The following GPC6 variants were observed in gnomAD, a reference collection of about 807,000 sequenced individuals.
GPC6 encodes the protein glypican-6.
Under a neutral mutation model 55.2 loss-of-function variants are expected in GPC6, and 14 were observed. That is an observed-to-expected ratio of 0.25 (90% CI 0.17 to 0.40). The LOEUF (loss-of-function observed/expected upper bound fraction) is 0.40, where lower values mean the gene tolerates loss of function less well. Ranked by LOEUF, GPC6 falls within the 10% of genes least tolerant of loss-of-function variation. GPC6 has a pLI of 1.00. For synonymous variants in GPC6, 278 were observed against 259.6 expected, an observed-to-expected ratio of 1.07 and a Z score of -0.68; for missense variants, 641 against 708.5, an observed-to-expected ratio of 0.90 and a Z score of 1.08.
At chr13:93,285,573 T>C (rs1475296214) in intron 1 of GPC6, among the ~76,000 whole-genome samples, 31 of 151,252 alleles carry the variant, frequency 2.0e-4, no homozygotes, top group Non-Finnish European at 7.4e-5. Flanking sequence ...CACCCAAAAT[T>C]GAGAAATTAT....
intron 4 of GPC6, among the ~76,000 whole-genome samples, chr13:94,169,073 A>G (rs1479991075): frequency 6.6e-6 from 1 of 152,240 alleles, no homozygotes; most frequent in Non-Finnish European, 1.5e-5. Flanking sequence ...AAATTATTAC[A>G]CAATTAAATT....
At chr13:93,922,408 A>G (rs1877621013) in intron 3 of GPC6, among the ~76,000 whole-genome samples, 1 of 152,226 alleles carries the variant, frequency 6.6e-6, no homozygotes, top group Admixed American at 6.5e-5. Flanking sequence ...ATTATGTAAG[A>G]AAAGGACAGT....
intron 1 of GPC6, among the ~76,000 whole-genome samples, chr13:93,441,349 A>C (rs940532011): frequency 8.6e-5 from 13 of 151,746 alleles, no homozygotes; most frequent in Non-Finnish European, 1.8e-4. Flanking sequence ...CATCCTCTCC[A>C]GTACCCATTG....
At chr13:93,307,093 T>G (rs1192341216) in intron 1 of GPC6, among the ~76,000 whole-genome samples, 1 of 152,160 alleles carries the variant, frequency 6.6e-6, no homozygotes, top group Non-Finnish European at 1.5e-5. Context: ...GTATCCTAGT[T>G]TCTATTGGTA....
Position 93,864,140 on chromosome 13 carries a change from G to C in GPC6, c.711+33595G>C, listed in dbSNP as rs185139869. On this transcript the variant is annotated intron_variant, in intron 3 of 8. Coordinates refer to ENST00000377047, the MANE Select transcript of GPC6 (RefSeq NM_005708.5). Reference sequence around the variant, plus strand: ...TTCAAATTAGCTACAATGGCAGATAGTTAGGCATTGTGAATAAAAATGCCC... The same window carrying C: ...TTCAAATTAGCTACAATGGCAGATACTTAGGCATTGTGAATAAAAATGCCC... Among the ~76,000 whole-genome samples, 394 of 151,740 alleles carry C rather than the reference G, an allele frequency of 2.6e-3. 4 individuals carry two copies. The highest frequency in any genetic ancestry group is 9.2e-3 in the African/African-American group (381 of 41,468).
intron 3 of GPC6, among the ~76,000 whole-genome samples, chr13:93,936,303 A>G (rs1288042251): frequency 6.6e-6 from 1 of 152,174 alleles, no homozygotes; most frequent in African/African-American, 2.4e-5. Context: ...CTGCAAGAAA[A>G]TATTAGTTAA....
intron 3 of GPC6, among the ~76,000 whole-genome samples, chr13:93,848,996 G>T (rs1680903632): frequency 6.6e-6 from 1 of 151,906 alleles, no homozygotes; most frequent in Admixed American, 6.6e-5. Context: ...CAGAACCCCT[G>T]TACTAAGATT....
At chr13:93,374,282 G>A (rs1874792885) in intron 1 of GPC6, among the ~76,000 whole-genome samples, 1 of 152,282 alleles carries the variant, frequency 6.6e-6, no homozygotes, top group South Asian at 2.1e-4. Flanking sequence ...AAACCCTAGG[G>A]ATTGCGGAGC....
chr13:93,427,587 T>G (rs1047513204), intron 1 of GPC6, among the ~76,000 whole-genome samples: 1 of 152,214 alleles, frequency 6.6e-6, no homozygotes, highest in African/African-American at 2.4e-5. Flanking sequence ...TTCAATGTGA[T>G]GTTTCACTTG....
intron 6 of GPC6, among the ~76,000 whole-genome samples, chr13:94,368,377 T>A (rs1182089532): frequency 6.6e-6 from 1 of 152,052 alleles, no homozygotes; most frequent in Non-Finnish European, 1.5e-5. Context: ...CCTGCTATCA[T>A]CCCCAAGACT....
At chr13:94,339,265 A>G (rs531973462) in intron 6 of GPC6, among the ~76,000 whole-genome samples, 1 of 152,168 alleles carries the variant, frequency 6.6e-6, no homozygotes, top group Non-Finnish European at 1.5e-5. Flanking sequence ...GAGTTTTGCC[A>G]TGTTGTCCAG....
chr13:93,479,328 A>T (rs1490962463), intron 1 of GPC6, among the ~76,000 whole-genome samples: 3 of 152,186 alleles, frequency 2.0e-5, no homozygotes, highest in African/African-American at 7.2e-5. Flanking sequence ...TTGGAAGCAA[A>T]CCTACAAGCA....
intron 4 of GPC6, among the ~76,000 whole-genome samples, chr13:94,120,691 G>A (rs945220842): frequency 1.3e-5 from 2 of 152,108 alleles, no homozygotes; most frequent in African/African-American, 4.8e-5. Flanking sequence ...AAAGGCTTTG[G>A]AATATAAATA....
chr13:93,537,040 A>C (rs1211404705), intron 1 of GPC6, among the ~76,000 whole-genome samples: 1 of 152,172 alleles, frequency 6.6e-6, no homozygotes, highest in East Asian at 1.9e-4. Context: ...CTTCTGAATG[A>C]GGGATAATAA....
At chr13:93,801,237 A>C (rs971584871) in intron 2 of GPC6, among the ~76,000 whole-genome samples, 4 of 152,204 alleles carry the variant, frequency 2.6e-5, no homozygotes, top group Admixed American at 2.0e-4. Context: ...GGGTTGTGTC[A>C]CTGGGAACAA....
At chr13:93,885,835 T>C (rs1244418036) in intron 3 of GPC6, among the ~76,000 whole-genome samples, 2 of 152,150 alleles carry the variant, frequency 1.3e-5, no homozygotes, top group Admixed American at 6.6e-5. Flanking sequence ...TAACAGTAAG[T>C]AAAATAGAGG....
intron 4 of GPC6, among the ~76,000 whole-genome samples, chr13:94,148,179 A>G (rs188214865): frequency 6.6e-6 from 1 of 152,166 alleles, no homozygotes. Flanking sequence ...AATAAATCCA[A>G]ATTAAATTTT....
intron 2 of GPC6, among the ~76,000 whole-genome samples, chr13:93,770,859 A>C (rs1362456304): frequency 6.6e-6 from 1 of 152,108 alleles, no homozygotes; most frequent in African/African-American, 2.4e-5. Context: ...ATAAGGTTAC[A>C]GACTTATTTG....
intron 3 of GPC6, among the ~76,000 whole-genome samples, chr13:94,008,678 G>T (rs929497534): frequency 3.9e-5 from 6 of 152,068 alleles, no homozygotes; most frequent in South Asian, 2.1e-4. Flanking sequence ...TAAATAGTTG[G>T]AAAGGATGCA....
Sources: allele counts gnomAD v4.1 joint callset (sites outside exome capture counted in the v4.1 genomes callset), GRCh38; gene constraint gnomAD v4.1.1; transcripts MANE v1.5; gene names NCBI Gene and HGNC (gene_info 2026-07-23, HGNC 2026-07-21).